The following ADAMTS16 variants were observed in gnomAD, a reference collection of about 807,000 sequenced individuals.
The protein encoded by ADAMTS16 is ADAM metallopeptidase with thrombospondin type 1 motif 16.
ADAMTS16 carries 94 observed loss-of-function variants against 145.8 expected under a neutral mutation model. The ratio of observed to expected loss-of-function variants is 0.64; its 90% CI spans 0.55 to 0.77. The LOEUF (loss-of-function observed/expected upper bound fraction) is 0.77. Among genes scored for constraint, ADAMTS16 ranks in the 30% least tolerant of loss-of-function variants. ADAMTS16 has a pLI of 0.00. For synonymous variants in ADAMTS16, 659 were observed against 604.3 expected (o/e 1.09, Z -1.33); for missense variants, 1,585 against 1,591.5 (o/e 1.00, Z 0.07).
intron 3 of ADAMTS16, among the ~76,000 whole-genome samples, chr5:5,150,780 G>T (rs1283879029): frequency 6.6e-6 from 1 of 152,178 alleles, no homozygotes; most frequent in African/African-American, 2.4e-5. Context: ...TTCTGCATAG[G>T]TTGACAGTTT....
At chr5:5,166,364 C>G (rs1734882156) in intron 3 of ADAMTS16, among the ~76,000 whole-genome samples, 1 of 152,122 alleles carries the variant, frequency 6.6e-6, no homozygotes, top group African/African-American at 2.4e-5. Context: ...ACCTCAGAAG[C>G]CACCACTGGC....
At chr5:5,183,576 A>C (rs988178849) in intron 4 of ADAMTS16, among the ~76,000 whole-genome samples, 2 of 152,202 alleles carry the variant, frequency 1.3e-5, no homozygotes, top group Non-Finnish European at 2.9e-5. Flanking sequence ...CCAAGCTCTT[A>C]AGCAGACGCC....
In ADAMTS16 at chr5:5,319,740, T is replaced by C. The variant is rs1200643048; in HGVS notation, c.*602T>C. On this transcript the variant is annotated 3_prime_UTR_variant, in exon 23 of 23. Transcript: ENST00000274181. ...GCCGGAGCCAGCGTCATCTCTAGGG[T>C]CACTGGCCAGGGGACTGCATTCTGG... 5.1e-6 allele frequency: 2 copies of C among 395,240 alleles called. No homozygotes were observed. The highest frequency in any genetic ancestry group is 1.9e-5 in the South Asian group (1 of 51,308). 24.5% of individuals were successfully genotyped at this position (395,240 alleles called of 1,614,324 possible).
At chr5:5,140,563 G>A (rs1162532456) in intron 1 of ADAMTS16, 24 bp downstream of exon 1, 2 of 1,502,044 alleles carry the variant, frequency 1.3e-6, no homozygotes, top group East Asian at 2.6e-5. Flanking sequence ...GCTCCCACCA[G>A]CGCGGAAACC....
intron 10 of ADAMTS16, among the ~76,000 whole-genome samples, chr5:5,216,062 T>C (rs1034527575): frequency 6.6e-6 from 1 of 151,782 alleles, no homozygotes; most frequent in African/African-American, 2.4e-5. Flanking sequence ...TACCCAGTAG[T>C]GGGATTGCTG....
chr5:5,252,929 C>T (rs1737672482), intron 17 of ADAMTS16, among the ~76,000 whole-genome samples: 1 of 152,188 alleles, frequency 6.6e-6, no homozygotes, highest in Non-Finnish European at 1.5e-5. Context: ...TCCACTGGTG[C>T]TCTTTATCCC....
Position 5,182,059 on chromosome 5 carries a change from A to T in ADAMTS16, c.517A>T (p.Thr173Ser). ...TCQGLSGMIR[T>S]EEADYFLRPL... Reference sequence around the variant, plus strand: ...TTTTTTCCAGTCAGGCATGATACGAACAGAAGAGGCAGATTACTTCCTAAG... The same window carrying T: ...TTTTTTCCAGTCAGGCATGATACGATCAGAAGAGGCAGATTACTTCCTAAG... The change falls in exon 4 of 23, where the codon ACA becomes TCA. Residue 173 changes from threonine to serine, a missense_variant. Around this residue, in one of 3 missense-constraint regions of ADAMTS16, gnomAD observed 453 missense variants for 412.1 expected, o/e 1.10. Transcript: ENST00000274181. 6.2e-7 allele frequency: 1 copy of T among 1,609,828 alleles called. No individual in the cohort carries two copies. The highest frequency in any genetic ancestry group is 8.5e-7 in the Non-Finnish European group (1 of 1,178,064).
At chr5:5,165,513 G>A (rs1734850697) in intron 3 of ADAMTS16, among the ~76,000 whole-genome samples, 1 of 152,224 alleles carries the variant, frequency 6.6e-6, no homozygotes, top group African/African-American at 2.4e-5. Flanking sequence ...TGCTATCCAT[G>A]TTGGTATGAC....
Position 5,237,092 on chromosome 5 carries a change from T to C in ADAMTS16, c.2147T>C (p.Ile716Thr), listed in dbSNP as rs1214768156. Reference protein sequence around the residue: ...EDSRNVCIDGICERVGCDNVL... With the variant: ...EDSRNVCIDGTCERVGCDNVL... ...AGCCGTAATGTTTGTATAGATGGGA[T>C]ATGTGAGGTAATCATGATCCTTCAT... The change falls in exon 14 of 23, where the codon ATA becomes ACA. Residue 716 changes from isoleucine (I) to threonine (T), a missense_variant. Physicochemically the swap from Ile to Thr is moderately conservative, Grantham distance 89. Around this residue, in one of 3 missense-constraint regions of ADAMTS16, gnomAD observed 834 missense variants for 811.7 expected, o/e 1.03. Coordinates refer to ENST00000274181, the MANE Select transcript of ADAMTS16 (RefSeq NM_139056.4). 6 of 1,613,188 alleles carry C rather than the reference T, an allele frequency of 3.7e-6. No homozygotes were observed. The East Asian group carries it at 6.7e-5, about 18-fold the overall frequency.
At chr5:5,231,875 T>C (rs2126368257) in intron 11 of ADAMTS16, among the ~76,000 whole-genome samples, 1 of 152,180 alleles carries the variant, frequency 6.6e-6, no homozygotes, top group African/African-American at 2.4e-5. Context: ...GTCCCAAGGC[T>C]CCGAGCCCAG....
intron 3 of ADAMTS16, 103 bp from the exon 4 acceptor site, chr5:5,181,941 T>G: frequency 1.5e-6 from 2 of 1,336,132 alleles, no homozygotes; most frequent in Non-Finnish European, 2.0e-6. Context: ...GGGAACAGCA[T>G]GCTTCCAAGA....
At chr5:5,302,886 G>A (rs949640080) in intron 18 of ADAMTS16, among the ~76,000 whole-genome samples, 1 of 152,144 alleles carries the variant, frequency 6.6e-6, no homozygotes, top group African/African-American at 2.4e-5. Context: ...GGGGTTGGGG[G>A]CATACACTGA....
At position 5,186,159 on chromosome 5, in the gene ADAMTS16, A is replaced by G; in HGVS notation, c.871A>G (p.Asn291Asp). 6.2e-7 allele frequency: 1 copy of G among 1,614,150 alleles called. No individual in the cohort carries two copies. Among genetic ancestry groups the G allele is most frequent in the East Asian group, 2.2e-5 (1 of 44,880 alleles). ...LLRSHRNEEL[N>D]VETLVVVDKK... ...GAGGTCCCATAGAAATGAAGAACTG[A>G]ACGTGGAGACCTTGGTGGTGGTCGA... is the stretch of plus-strand genomic sequence containing the variant. The change falls in exon 5 of 23, where the codon AAC becomes GAC. Residue 291 changes from asparagine to aspartate, a missense_variant. By Grantham distance (23) the Asn-to-Asp change is conservative (BLOSUM62 1). Coordinates refer to ENST00000274181, the MANE Select transcript of ADAMTS16 (RefSeq NM_139056.4).
At chr5:5,186,304 GTGTGTGT>G (rs1560939673) in intron 5 of ADAMTS16, 53 bp downstream of exon 5, 198 of 1,082,066 alleles carry the variant, frequency 1.8e-4, no homozygotes, top group African/African-American at 1.0e-3. Context: ...TTCGTAGGGT[GTGTGTGT>G]GTGTGTGTGT....
chr5:5,255,701 C>T (rs1041557288), intron 17 of ADAMTS16, among the ~76,000 whole-genome samples: 2 of 152,188 alleles, frequency 1.3e-5, no homozygotes, highest in African/African-American at 4.8e-5. Context: ...AAAATGTACT[C>T]CTGATTTTTA....
chr5:5,227,426 A>G (rs1049483555), intron 11 of ADAMTS16, among the ~76,000 whole-genome samples: 4 of 152,116 alleles, frequency 2.6e-5, no homozygotes, highest in Admixed American at 2.6e-4. Flanking sequence ...GGAAATCTAT[A>G]TATATATTTA....
In ADAMTS16 at chr5:5,189,382, A is replaced by T. The variant is rs77581314; in HGVS notation, c.1048-589A>T. 1.2e-4 allele frequency among the ~76,000 whole-genome samples: 19 copies of T among 152,332 alleles called. No homozygotes were observed. In the East Asian group the frequency reaches 3.5e-3, roughly 28 times the overall value. ...ACCTAATGGAGACAGAGGAGGTTGAACATGGCTTGCAAAGTCTCCTTTTAG... is the reference window on the plus strand; with the variant it reads ...ACCTAATGGAGACAGAGGAGGTTGATCATGGCTTGCAAAGTCTCCTTTTAG... On this transcript the variant is annotated intron_variant, in intron 6 of 22. Coordinates refer to ENST00000274181, the MANE Select transcript of ADAMTS16 (RefSeq NM_139056.4).
intron 5 of ADAMTS16, among the ~76,000 whole-genome samples, chr5:5,186,539 C>G (rs1310885018): frequency 1.3e-5 from 2 of 152,136 alleles, no homozygotes; most frequent in Non-Finnish European, 1.5e-5. Context: ...CATCTATTTA[C>G]TGGAAATCTC....
At chr5:5,315,502 T>G (rs575572481) in intron 21 of ADAMTS16, among the ~76,000 whole-genome samples, 1 of 152,044 alleles carries the variant, frequency 6.6e-6, no homozygotes, top group East Asian at 1.9e-4. Context: ...AGGCATATCT[T>G]AAGCAAGAAT....
Sources: gnomAD v4.1 joint callset for allele counts (sites outside exome capture counted in the v4.1 genomes callset) on GRCh38, gnomAD v4.1.1 for gene constraint, gnomAD v4.1.1 regional missense constraint, MANE v1.5 for transcripts, NCBI Gene and HGNC (gene_info 2026-07-23, HGNC 2026-07-21) for gene names.